The following PDK1 variants were observed in gnomAD, a reference collection of about 807,000 sequenced individuals.
PDK1 encodes the protein [Pyruvate dehydrogenase (acetyl-transferring)] kinase isozyme 1, mitochondrial.
In PDK1, 39 loss-of-function variants were observed where a neutral mutation model predicts 54.2. The observed-to-expected ratio is 0.72, with a 90% CI of 0.56 to 0.94. The LOEUF is 0.94. Among genes scored for constraint, PDK1 ranks in the 40% least tolerant of loss-of-function variants. PDK1 has a pLI of 0.00. For synonymous variants in PDK1, 221 were observed against 207.1 expected, an observed-to-expected ratio of 1.07 and a Z score of -0.58; for missense variants, 552 against 566.0, an observed-to-expected ratio of 0.98 and a Z score of 0.25.
chr2:172,602,954 A>T lies in PDK1; in HGVS notation c.*6985A>T, dbSNP rs1691163346. 6.6e-6 allele frequency: 1 copy of T among 152,214 alleles called. No individual in the cohort carries two copies. Among genetic ancestry groups the T allele is most frequent in the Non-Finnish European group, 1.5e-5 (1 of 68,036 alleles). The allele number at this position is 152,214 out of a possible 1,614,324, so 9.4% of individuals were successfully genotyped here. On this transcript the variant is annotated 3_prime_UTR_variant, in exon 11 of 11. Coordinates refer to ENST00000282077, the MANE Select transcript of PDK1 (RefSeq NM_002610.5). ...TGAACTTGATTGTTACTCTTGGATC[A>T]GGGTTGGCTTGATAAGGACTCACTT...
At chr2:172,557,852 A>G (rs1185446773) in intron 1 of PDK1, among the ~76,000 whole-genome samples, 1 of 151,742 alleles carries the variant, frequency 6.6e-6, no homozygotes, top group Non-Finnish European at 1.5e-5. Flanking sequence ...GCAAACATCA[A>G]AATTTTCCTC....
chr2:172,722,055 T>G, the PDK1 span, among the ~76,000 whole-genome samples: 12 of 152,276 alleles, frequency 7.9e-5, no homozygotes. Flanking sequence ...TGAGCCACTT[T>G]CAGGCTTCCC....
chr2:172,723,298 T>A, the PDK1 span: 1 of 152,306 alleles, frequency 6.6e-6, no homozygotes, highest in South Asian at 2.1e-4. Context: ...AAGGATGAAG[T>A]TCAGATACAC....
the PDK1 span, among the ~76,000 whole-genome samples, chr2:172,700,260 G>A: frequency 6.6e-6 from 1 of 152,076 alleles, no homozygotes. Flanking sequence ...CGTTCTCAAT[G>A]AGCTGTTGGG....
chr2:172,600,734 G>A lies in PDK1; in HGVS notation c.*4765G>A, dbSNP rs993461686. On this transcript the variant is annotated 3_prime_UTR_variant, in exon 11 of 11. Coordinates refer to ENST00000282077, the MANE Select transcript of PDK1 (RefSeq NM_002610.5). ...GGGATATCTTATCCTCCTAGGGTCC[G>A]AGGACGCTTTAGTTGGGACCAGGTG... 2.6e-5 allele frequency: 4 copies of A among 152,262 alleles called. No individual in the cohort carries two copies. Among genetic ancestry groups the A allele is most frequent in the African/African-American group, 7.2e-5 (3 of 41,440 alleles). The allele number at this position is 152,262 out of a possible 1,614,324, so 9.4% of individuals were successfully genotyped here. A position where few individuals can be genotyped will look rare whatever the true frequency, so the allele number is the denominator to read the frequency against.
At chr2:172,640,467 A>T in the PDK1 span, among the ~76,000 whole-genome samples, 1 of 152,234 alleles carries the variant, frequency 6.6e-6, no homozygotes, top group African/African-American at 2.4e-5. Flanking sequence ...GGCTACACAG[A>T]ACCCTCAGAC....
At chr2:172,664,931 T>A in the PDK1 span, among the ~76,000 whole-genome samples, 1 of 152,178 alleles carries the variant, frequency 6.6e-6, no homozygotes, top group Non-Finnish European at 1.5e-5. Flanking sequence ...CATTTTCCAT[T>A]TGTTAATTTT....
chr2:172,668,184 A>C, the PDK1 span, among the ~76,000 whole-genome samples: 1 of 152,184 alleles, frequency 6.6e-6, no homozygotes, highest in South Asian at 2.1e-4. Flanking sequence ...TGAATCTAGA[A>C]ATCTGGTAGT....
chr2:172,655,728 G>C, the PDK1 span, among the ~76,000 whole-genome samples: 3 of 152,204 alleles, frequency 2.0e-5, no homozygotes, highest in African/African-American at 7.2e-5. Flanking sequence ...CCAAGTGGGC[G>C]TGTGTTACAG....
chr2:172,648,543 AC>A, the PDK1 span, among the ~76,000 whole-genome samples: 1 of 152,128 alleles, frequency 6.6e-6, no homozygotes, highest in Non-Finnish European at 1.5e-5. Context: ...GCATCGCCTC[AC>A]CTGGGAAGCA....
chr2:172,644,199 G>T, the PDK1 span, among the ~76,000 whole-genome samples: 3 of 152,238 alleles, frequency 2.0e-5, no homozygotes, highest in African/African-American at 7.2e-5. Context: ...GACAGGGAGA[G>T]AGACTTTAAA....
chr2:172,608,524 C>G lies in PDK1; in HGVS notation c.*12555C>G, dbSNP rs1691367159. 1 of 152,192 alleles carries G rather than the reference C, an allele frequency of 6.6e-6. No individual in the cohort carries two copies. Among genetic ancestry groups the G allele is most frequent in the Non-Finnish European group, 1.5e-5 (1 of 68,032 alleles). 9.4% of individuals were successfully genotyped at this position (152,192 alleles called of 1,614,324 possible). A position where few individuals can be genotyped will look rare whatever the true frequency, so the allele number is the denominator to read the frequency against. ...ATTGTACAACTGTTTATCATTCACT[C>G]TGCTGTAAGTCTATGTGAAACCAAA... On this transcript the variant is annotated 3_prime_UTR_variant, in exon 11 of 11. Transcript: ENST00000282077.
At chr2:172,634,690 T>C in the PDK1 span, among the ~76,000 whole-genome samples, 1 of 152,096 alleles carries the variant, frequency 6.6e-6, no homozygotes, top group Admixed American at 6.6e-5. Flanking sequence ...TTTGAACATG[T>C]TTCCTTTTTC....
chr2:172,572,274 G>A (rs1417303279), intron 8 of PDK1, among the ~76,000 whole-genome samples: 1 of 152,168 alleles, frequency 6.6e-6, no homozygotes, highest in Non-Finnish European at 1.5e-5. Context: ...ATTTAAGTTT[G>A]TATATGAAAT....
chr2:172,587,493 G>C lies in PDK1; in HGVS notation c.1056+1105G>C, dbSNP rs138066000. On this transcript the variant is annotated intron_variant, in intron 9 of 10. Coordinates refer to ENST00000282077, the MANE Select transcript of PDK1 (RefSeq NM_002610.5). ...GTTGTTTGTTCTTCTGGGTGGGTTCGTGGTCTCGGTGGCTTCAGGAGTGAA... is the reference window on the plus strand; with the variant it reads ...GTTGTTTGTTCTTCTGGGTGGGTTCCTGGTCTCGGTGGCTTCAGGAGTGAA... Among the ~76,000 whole-genome samples the C allele has an allele frequency of 2.8e-3, 429 of 152,008 alleles. 2 individuals are homozygous for C. Among genetic ancestry groups the C allele is most frequent in the African/African-American group, 9.9e-3 (411 of 41,404 alleles).
At chr2:172,670,927 A>G in the PDK1 span, among the ~76,000 whole-genome samples, 1 of 152,140 alleles carries the variant, frequency 6.6e-6, no homozygotes, top group Non-Finnish European at 1.5e-5. Context: ...GAACTTTGTT[A>G]ATAGTTATAC....
At chr2:172,694,989 G>A in the PDK1 span, among the ~76,000 whole-genome samples, 195 of 152,126 alleles carry the variant, frequency 1.3e-3, 1 homozygote, top group African/African-American at 4.5e-3. Context: ...ATTGTGGTGT[G>A]CATCTGTAGT....
At chr2:172,557,067 A>G (rs1296318978) in intron 1 of PDK1, among the ~76,000 whole-genome samples, 1 of 113,804 alleles carries the variant, frequency 8.8e-6, no homozygotes, top group African/African-American at 3.7e-5. Context: ...ATGAATTCAT[A>G]AAATTTGAGT....
the PDK1 span, among the ~76,000 whole-genome samples, chr2:172,701,191 T>C: frequency 6.6e-6 from 1 of 152,250 alleles, no homozygotes; most frequent in Non-Finnish European, 1.5e-5. Flanking sequence ...ACCCACCAAA[T>C]TCTGCTTCCC....
Sources: allele counts gnomAD v4.1 joint callset (sites outside exome capture counted in the v4.1 genomes callset), GRCh38; gene constraint gnomAD v4.1.1; transcripts MANE v1.5; gene names NCBI Gene and HGNC (gene_info 2026-07-23, HGNC 2026-07-21).